The following EFCAB11 variants were observed in gnomAD, a reference collection of about 807,000 sequenced individuals.
EFCAB11 encodes EF-hand calcium-binding domain-containing protein 11.
In EFCAB11, 14 loss-of-function variants were observed where a neutral mutation model predicts 23.0. The observed-to-expected ratio is 0.61, with a 90% CI of 0.40 to 0.95. The LOEUF is 0.95. Ranked by LOEUF, EFCAB11 falls within the 40% of genes least tolerant of loss-of-function variation. The pLI is 0.00. For synonymous variants in EFCAB11, 65 were observed against 66.6 expected, an observed-to-expected ratio of 0.98 and a Z score of 0.11; for missense variants, 198 against 195.8, an observed-to-expected ratio of 1.01 and a Z score of -0.07.
At chr14:89,892,824 C>T (rs1435553964) in intron 5 of EFCAB11, among the ~76,000 whole-genome samples, 8 of 152,048 alleles carry the variant, frequency 5.3e-5, no homozygotes, top group East Asian at 1.9e-4. Context: ...ATCGCTTGAA[C>T]CCAGGAGGCA....
intron 4 of EFCAB11, among the ~76,000 whole-genome samples, chr14:89,932,286 A>T (rs1242018885): frequency 6.6e-6 from 1 of 152,194 alleles, no homozygotes; most frequent in African/African-American, 2.4e-5. Context: ...AGTCCCCATG[A>T]CAATCAAGGT....
At chr14:89,934,678 T>C (rs1294386974) in intron 3 of EFCAB11, among the ~76,000 whole-genome samples, 1 of 152,156 alleles carries the variant, frequency 6.6e-6, no homozygotes, top group African/African-American at 2.4e-5. Flanking sequence ...GGAATACATA[T>C]TGATGCAGCT....
At chr14:89,942,855 C>G (rs1226561796) in intron 3 of EFCAB11, among the ~76,000 whole-genome samples, 1 of 152,218 alleles carries the variant, frequency 6.6e-6, no homozygotes, top group Non-Finnish European at 1.5e-5. Context: ...ACTTTTCACT[C>G]TTCTTAATTT....
chr14:89,873,219 G>A (rs1393333586), intron 5 of EFCAB11, among the ~76,000 whole-genome samples: 1 of 152,146 alleles, frequency 6.6e-6, no homozygotes, highest in Non-Finnish European at 1.5e-5. Context: ...GAGAACTTGT[G>A]CAGGGGAACT....
At chr14:89,900,709 G>T (rs1889313957) in intron 5 of EFCAB11, among the ~76,000 whole-genome samples, 1 of 152,204 alleles carries the variant, frequency 6.6e-6, no homozygotes, top group East Asian at 1.9e-4. Flanking sequence ...CAGAATCAGG[G>T]AGAGTTAGAA....
intron 5 of EFCAB11, among the ~76,000 whole-genome samples, chr14:89,835,250 T>C (rs74080139): frequency 1.4e-3 from 208 of 152,306 alleles, no homozygotes; most frequent in African/African-American, 4.4e-3. Context: ...ACACTGCTGA[T>C]ACAGGCTGAG....
chr14:89,883,740 C>T (rs1260737633), intron 5 of EFCAB11, among the ~76,000 whole-genome samples: 2 of 152,214 alleles, frequency 1.3e-5, no homozygotes, highest in African/African-American at 4.8e-5. Context: ...AGTCACCTGT[C>T]ACTTCTAAAC....
rs757060606 is a variant in EFCAB11 at position 89,797,317 on chromosome 14, C to A, written c.418G>T (p.Asp140Tyr). 6.2e-7 allele frequency: 1 copy of A among 1,612,914 alleles called. No individual in the cohort carries two copies. The highest frequency in any genetic ancestry group is 1.1e-5 in the South Asian group (1 of 91,038). ...CTGACGTGACCATCTGAATCTCGAT[C>A]TACTTCCCTGGAAAATGAAACAAAA... ...RTVLEVFREV[D>Y]RDSDGHVSFR... The change falls in exon 6 of 6, where the codon GAT (aspartate) becomes TAT (tyrosine). Residue 140 changes from aspartate to tyrosine, a missense_variant. Physicochemically the swap from Asp to Tyr is radical, Grantham distance 160. Transcript: ENST00000316738.
At chr14:89,832,296 G>T in intron 5 of EFCAB11, among the ~76,000 whole-genome samples, 1 of 152,116 alleles carries the variant, frequency 6.6e-6, no homozygotes, top group East Asian at 1.9e-4. Flanking sequence ...ACTCCAGCAT[G>T]GGTGACAGAG....
chr14:89,920,620 G>A (rs1266055719), intron 5 of EFCAB11, among the ~76,000 whole-genome samples: 2 of 152,194 alleles, frequency 1.3e-5, no homozygotes, highest in Admixed American at 1.3e-4. Flanking sequence ...GTGAGGATCC[G>A]TTCAGCACAG....
At chr14:89,940,552 C>T (rs992179500) in intron 3 of EFCAB11, among the ~76,000 whole-genome samples, 2 of 152,200 alleles carry the variant, frequency 1.3e-5, no homozygotes, top group Non-Finnish European at 2.9e-5. Context: ...ATAGCAGTCA[C>T]ACAGTCCATA....
At chr14:89,920,121 T>G (rs919614547) in intron 5 of EFCAB11, among the ~76,000 whole-genome samples, 14 of 152,246 alleles carry the variant, frequency 9.2e-5, no homozygotes, top group Admixed American at 6.5e-5. Context: ...GTGATATAAT[T>G]CCATAGGCAA....
chr14:89,953,851 G>C, intron 2 of EFCAB11, 55 bp downstream of exon 2: 2 of 1,442,476 alleles, frequency 1.4e-6, no homozygotes, highest in Non-Finnish European at 1.9e-6. Context: ...CTTTTCTTAG[G>C]ATCCATTCAC....
At chr14:89,952,382 A>C (rs911116868) in intron 2 of EFCAB11, 3 of 985,298 alleles carry the variant, frequency 3.0e-6, no homozygotes, top group Admixed American at 6.1e-5. Context: ...AAAATGAGAC[A>C]AGATACCTTT....
intron 5 of EFCAB11, among the ~76,000 whole-genome samples, chr14:89,805,456 G>A (rs999530944): frequency 3.3e-5 from 5 of 152,192 alleles, no homozygotes; most frequent in Non-Finnish European, 5.9e-5. Context: ...AAGTTGAGAA[G>A]CTCTTTCAAT....
chr14:89,846,219 G>T (rs562101790), intron 5 of EFCAB11, among the ~76,000 whole-genome samples: 1 of 152,214 alleles, frequency 6.6e-6, no homozygotes, highest in African/African-American at 2.4e-5. Flanking sequence ...TTCTGAAAGC[G>T]TAAGCTGTAC....
chr14:89,911,254 G>A lies in EFCAB11; in HGVS notation c.410+20287C>T, dbSNP rs758178030. 1.4e-4 allele frequency among the ~76,000 whole-genome samples: 21 copies of A among 152,328 alleles called. No individual in the cohort carries two copies. In the East Asian group the frequency reaches 2.1e-3, roughly 15 times the overall value. On this transcript the variant is annotated intron_variant, in intron 5 of 5. Transcript: ENST00000316738. ...CTAAATCAAATAAATAGGCATTGCC[G>A]TGTGCCCTGGAGAACTGCCAAGGAG...
At position 89,949,269 on chromosome 14, in the gene EFCAB11, T is replaced by A. The variant is rs138024898; in HGVS notation, c.217+828A>T. 1.3e-3 allele frequency among the ~76,000 whole-genome samples: 190 copies of A among 151,810 alleles called. 4 individuals carry two copies. The East Asian group carries it at 0.034, about 28-fold the overall frequency. ...TCTCTATATATACACCTACAAAAAT[T>A]AAAAATTAAAAAAAAATAAAAACCA... On this transcript the variant is annotated intron_variant, in intron 3 of 5. Transcript: ENST00000316738.
intron 5 of EFCAB11, among the ~76,000 whole-genome samples, chr14:89,906,682 T>TG (rs1206836000): frequency 6.6e-6 from 1 of 152,150 alleles, no homozygotes; most frequent in African/African-American, 2.4e-5. Context: ...TTGTTTTGTT[T>TG]GGGGAATATG....
Sources: allele counts gnomAD v4.1 joint callset (sites outside exome capture counted in the v4.1 genomes callset), GRCh38; gene constraint gnomAD v4.1.1; transcripts MANE v1.5; gene names NCBI Gene and HGNC (gene_info 2026-07-23, HGNC 2026-07-21).